Variants in NEB observed in about 807,000 individuals in gnomAD.
NEB encodes the protein nemaline myopathy type 2.
Under a neutral mutation model 952.2 loss-of-function variants are expected in NEB, and 512 were observed. The observed-to-expected ratio is 0.54, with a 90% confidence interval of 0.50 to 0.58. The LOEUF (loss-of-function observed/expected upper bound fraction) is 0.58, where lower values mean the gene tolerates loss of function less well. Among genes scored for constraint, NEB ranks in the 20% least tolerant of loss-of-function variants. The pLI is 0.00. For synonymous variants in NEB, 2,900 were observed against 3,149.8 expected, an observed-to-expected ratio of 0.92 and a Z score of 2.66; for missense variants, 8,428 against 9,231.1, an observed-to-expected ratio of 0.91 and a Z score of 3.56.
At position 151,618,256 on chromosome 2, in the gene NEB, GT is replaced by G. The variant is rs749015752; in HGVS notation, c.11076+18del. ...CTGTGGTAACTTTCGGTATCTAACA[GT>G]GAGGATTGAAGACTCACCTTATTCA... On this transcript the variant is annotated intron_variant, in intron 74 of 181. Transcript: ENST00000397345. The G allele has an allele frequency of 4.4e-6, 7 of 1,607,808 alleles. No individual in the cohort carries two copies. Among genetic ancestry groups the G allele is most frequent in the African/African-American group, 1.3e-5 (1 of 74,784 alleles).
At chr2:151,506,762 AG>A (rs1394818231) in intron 163 of NEB, 146 bp downstream of exon 163, 2 of 600,770 alleles carry the variant, frequency 3.3e-6, no homozygotes, top group Non-Finnish European at 5.8e-6. Flanking sequence ...TTTGGAGCAA[AG>A]TATTGGGGAT....
At position 151,494,221 on chromosome 2, in the gene NEB, G is replaced by T. The variant is rs748978197; in HGVS notation, c.24519C>A (p.Thr8173=). The T allele has an allele frequency of 1.9e-6, 3 of 1,605,352 alleles. No homozygotes were observed. The African/African-American group carries it at 4.0e-5, about 21-fold the overall frequency. Residue 8173 remains threonine, a synonymous_variant, in exon 174 of 182, where the codon ACC becomes ACA. Coordinates refer to ENST00000397345, the MANE Select transcript of NEB (RefSeq NM_001164508.2). The part of the protein sequence containing the change: ...VLYKENVGKA[T]ATPVTPEMQR... The stretch of plus-strand genomic sequence containing the variant: ...GCATCTCAGGAGTGACAGGGGTTGC[G>T]GTGGCTTTCCCCACATTTTCTTTGT...
rs2153463102 is a variant in NEB at position 151,527,578 on chromosome 2, T to C, written c.21743A>G (p.Tyr7248Cys). Residue 7248 changes from tyrosine (Y) to cysteine (C), a missense_variant, in exon 147 of 182, where the codon TAT becomes TGT. Physicochemically the swap from Tyr to Cys is radical, Grantham distance 194. This residue lies in a region of NEB where 3,374 missense variants were observed against 3,651.5 expected (regional missense o/e 0.92). Transcript: ENST00000397345. ...TTTGTTGGCTTCGTACTGTTTCTTATAGTCCAGCTGTTTTTAACAGGAGAG... is the reference window on the plus strand; with the variant it reads ...TTTGTTGGCTTCGTACTGTTTCTTACAGTCCAGCTGTTTTTAACAGGAGAG... ...DAYKVNTNLD[Y>C]KKQYEANKAH... 4 of 1,611,214 alleles carry C rather than the reference T, an allele frequency of 2.5e-6. No individual in the cohort carries two copies. The highest frequency in any genetic ancestry group is 1.1e-5 in the South Asian group (1 of 90,430).
intron 5 of NEB, among the ~76,000 whole-genome samples, chr2:151,726,354 T>C (rs1016285262): frequency 1.3e-5 from 2 of 152,220 alleles, no homozygotes; most frequent in African/African-American, 4.8e-5. Context: ...TAGAAACCTG[T>C]CTTAGATTAT....
chr2:151,549,532 G>T, intron 130 of NEB, 104 bp downstream of exon 130: 1 of 787,422 alleles, frequency 1.3e-6, no homozygotes. Context: ...CTATCAGGTT[G>T]AACCTTGAGG....
rs951563499 is a variant in NEB at position 151,525,942 on chromosome 2, G to C, written c.22161+16C>G. ...TGGCATTGTTGCTGCCAAGAGACCGGTGGTTGATCACTTACATCACTGACA... is the reference window on the plus strand; with the variant it reads ...TGGCATTGTTGCTGCCAAGAGACCGCTGGTTGATCACTTACATCACTGACA... On this transcript the variant is annotated intron_variant, in intron 150 of 181. Coordinates refer to ENST00000397345, the MANE Select transcript of NEB (RefSeq NM_001164508.2). 6.3e-7 allele frequency: 1 copy of C among 1,596,182 alleles called. No homozygotes were observed.
chr2:151,726,663 AG>A (rs2099791535), intron 5 of NEB, among the ~76,000 whole-genome samples: 1 of 152,196 alleles, frequency 6.6e-6, no homozygotes, highest in African/African-American at 2.4e-5. Flanking sequence ...TCTAAGGACC[AG>A]GGACCATTGA....
chr2:151,496,246 AAGT>A (rs1233892556), intron 173 of NEB, 27 bp downstream of exon 173: 2 of 1,524,820 alleles, frequency 1.3e-6, no homozygotes, highest in Non-Finnish European at 1.8e-6. Flanking sequence ...TAAAATCAGT[AAGT>A]AGTTTTTTTC....
intron 102 of NEB, among the ~76,000 whole-genome samples, chr2:151,581,812 T>C (rs2097107994): frequency 7.1e-6 from 1 of 141,468 alleles, no homozygotes; most frequent in Non-Finnish European, 1.5e-5. Flanking sequence ...TGAAAAGTTC[T>C]TTTTGGATGT....
In NEB at chr2:151,644,454, G is replaced by T; in HGVS notation, c.7644+14C>A. ...TTGCAATCAAATCAATATCAACAGAGGATAAAATCTTACTTCACTGGCAAT... is the reference window on the plus strand; with the variant it reads ...TTGCAATCAAATCAATATCAACAGATGATAAAATCTTACTTCACTGGCAAT... On this transcript the variant is annotated intron_variant, in intron 56 of 181. Coordinates refer to ENST00000397345, the MANE Select transcript of NEB (RefSeq NM_001164508.2). 6.3e-7 allele frequency: 1 copy of T among 1,590,432 alleles called. No individual in the cohort carries two copies. Among genetic ancestry groups the T allele is most frequent in the Non-Finnish European group, 8.6e-7 (1 of 1,158,684 alleles).
At position 151,642,859 on chromosome 2, in the gene NEB, G is replaced by A. The variant is rs373868916; in HGVS notation, c.8171C>T (p.Thr2724Ile). 14 of 1,608,274 alleles carry A rather than the reference G, an allele frequency of 8.7e-6. No homozygotes were observed. Among genetic ancestry groups the A allele is most frequent in the Non-Finnish European group, 1.2e-5 (14 of 1,176,486 alleles). ...NAITMNHRLY[T>I]EAWDKDKTTV... The stretch of plus-strand genomic sequence containing the variant: ...GGTTTTATCTTTATCCCAAGCTTCT[G>A]TATAGAGGCGCTAAGAGAAACAGAA... The change falls in exon 59 of 182, where the codon ACA becomes ATA. Residue 2724 changes from threonine (T) to isoleucine (I), a missense_variant. This residue lies in a region of NEB where 1,772 missense variants were observed against 1,960.3 expected (regional missense o/e 0.90). Transcript: ENST00000397345.
chr2:151,566,326 A>G (rs2096392176), intron 114 of NEB, among the ~76,000 whole-genome samples: 1 of 152,164 alleles, frequency 6.6e-6, no homozygotes, highest in Non-Finnish European at 1.5e-5. Flanking sequence ...CGCCTTCAAG[A>G]ACCTAGATTC....
intron 161 of NEB, among the ~76,000 whole-genome samples, chr2:151,509,623 T>A (rs1234076010): frequency 1.3e-5 from 2 of 152,080 alleles, no homozygotes; most frequent in African/African-American, 4.8e-5. Flanking sequence ...GTTTTTTTTT[T>A]GTTTGTTTGG....
rs1559228786 is a variant in NEB at position 151,498,243 on chromosome 2, C to CTTTCT, written c.24207+12_24207+16dup. ...CTGAAGTTAAGTGGCATTTTTTCCC[C>CTTTCT]TTTCTTTCCAAAATACCGAGCTAAG... On this transcript the variant is annotated intron_variant, in intron 170 of 181. Transcript: ENST00000397345. 1 of 1,550,710 alleles carries CTTTCT rather than the reference C, an allele frequency of 6.4e-7. No homozygotes were observed. The highest frequency in any genetic ancestry group is 2.4e-5 in the East Asian group (1 of 40,880).
At position 151,724,759 on chromosome 2, in the gene NEB, G is replaced by A; in HGVS notation, c.507+98C>T. The A allele has an allele frequency of 6.6e-6, 6 of 904,710 alleles. No homozygotes were observed. In the South Asian group the frequency reaches 9.7e-5, roughly 15 times the overall value. The allele number at this position is 904,710 out of a possible 1,614,324, so 56.0% of individuals were successfully genotyped here. ...TGAACTCACACTGCCCATGAGGCTG[G>A]TGGGCAGGATCAGGCCTGTCCAATT... On this transcript the variant is annotated intron_variant, in intron 7 of 181. Coordinates refer to ENST00000397345, the MANE Select transcript of NEB (RefSeq NM_001164508.2).
At chr2:151,634,084 A>C (rs2154081775) in intron 64 of NEB, 119 bp from the exon 65 acceptor site, 20 of 1,158,528 alleles carry the variant, frequency 1.7e-5, no homozygotes, top group Non-Finnish European at 2.3e-5. Context: ...GTACTAACTC[A>C]AGCCAGTATC....
intron 150 of NEB, 141 bp downstream of exon 150, chr2:151,525,817 C>A: frequency 1.3e-6 from 1 of 750,812 alleles, no homozygotes; most frequent in Non-Finnish European, 2.4e-6. Context: ...TTTTAAAAGT[C>A]AGAGTTTAAG....
Position 151,565,087 on chromosome 2 carries a change from G to A in NEB, c.18428C>T (p.Pro6143Leu). ...CATGTCTTTGGAGTGGGAGATATGT[G>A]GTGTATCTGGTGAAAACGTATATTT... ...KGKYTFSPDT[P>L]HISHSKDMGK... Residue 6143 changes from proline (P) to leucine (L), a missense_variant, in exon 117 of 182, where the codon CCA becomes CTA. Pro to Leu is a moderately conservative substitution (Grantham distance 98). Coordinates refer to ENST00000397345, the MANE Select transcript of NEB (RefSeq NM_001164508.2). The A allele has an allele frequency of 6.3e-7, 1 of 1,598,990 alleles. No homozygotes were observed. Among genetic ancestry groups the A allele is most frequent in the Non-Finnish European group, 8.6e-7 (1 of 1,168,282 alleles).
chr2:151,609,771 C>G, intron 81 of NEB, 38 bp downstream of exon 81: 27 of 1,516,698 alleles, frequency 1.8e-5, no homozygotes, highest in South Asian at 3.9e-5. Flanking sequence ...AAATCTACAT[C>G]TTCCCCTTCC....
Sources: allele counts gnomAD v4.1 joint callset (sites outside exome capture counted in the v4.1 genomes callset), GRCh38; gene constraint gnomAD v4.1.1; regional missense constraint gnomAD v4.1.1; transcripts MANE v1.5; gene names NCBI Gene and HGNC (gene_info 2026-07-23, HGNC 2026-07-21).